Variants in HEATR6 observed in about 807,000 individuals in gnomAD.
The protein encoded by HEATR6 is HEAT repeat-containing protein 6.
HEATR6 carries 106 observed loss-of-function variants against 132.8 expected under a neutral mutation model. The ratio of observed to expected loss-of-function variants is 0.80; its 90% CI spans 0.68 to 0.94. The LOEUF (loss-of-function observed/expected upper bound fraction) is 0.94, where lower values mean the gene tolerates loss of function less well. Among genes scored for constraint, HEATR6 ranks in the 40% least tolerant of loss-of-function variants. The pLI is 0.00. For missense variants in HEATR6, 1,339 were observed against 1,425.1 expected (o/e 0.94, Z 0.97); for synonymous variants, 529 against 537.8 (o/e 0.98, Z 0.23).
rs181493868 is a variant in HEATR6 at position 60,051,509 on chromosome 17, G to A, written c.2290-532C>T. On this transcript the variant is annotated intron_variant, in intron 14 of 19. Coordinates refer to ENST00000184956, the MANE Select transcript of HEATR6 (RefSeq NM_022070.5). ...TTTTCAACTACTTTGCAGAGTCTGT[G>A]TGATAATAAAATGTAATATTCTGTG... is the stretch of plus-strand genomic sequence containing the variant. Among the ~76,000 whole-genome samples, 485 of 152,318 alleles carry A rather than the reference G, an allele frequency of 3.2e-3. 2 individuals are homozygous for A. The highest frequency in any genetic ancestry group is 5.4e-3 in the Admixed American group (82 of 15,306).
rs1479605531 is a variant in HEATR6, at chr17:60,042,246, T to G, written c.*1317A>C. ...GGCCCTGCTTGCTGGGAGTTAACTCTGGTTATTGGATTGTGGGGAGGTGTG... is the reference window on the plus strand; with the variant it reads ...GGCCCTGCTTGCTGGGAGTTAACTCGGGTTATTGGATTGTGGGGAGGTGTG... On this transcript the variant is annotated 3_prime_UTR_variant, in exon 20 of 20. Transcript: ENST00000184956. 1.3e-5 allele frequency among the ~76,000 whole-genome samples: 2 copies of G among 152,206 alleles called. No homozygotes were observed. Among genetic ancestry groups the G allele is most frequent in the African/African-American group, 4.8e-5 (2 of 41,448 alleles).
intron 9 of HEATR6, chr17:60,063,887 A>C (rs1289019927): frequency 6.6e-6 from 1 of 152,222 alleles, no homozygotes; most frequent in Non-Finnish European, 1.5e-5. Flanking sequence ...ACCTGAGATG[A>C]CCACTTGGCC....
At chr17:60,046,297 G>A in intron 18 of HEATR6, 68 bp from the exon 19 acceptor site, 1 of 1,333,272 alleles carries the variant, frequency 7.5e-7, no homozygotes, top group South Asian at 1.4e-5. Flanking sequence ...TCTAATTTCA[G>A]CTTTAAAAAA....
At chr17:60,054,430 C>T (rs1330930621) in intron 14 of HEATR6, among the ~76,000 whole-genome samples, 3 of 152,224 alleles carry the variant, frequency 2.0e-5, no homozygotes, top group African/African-American at 7.2e-5. Flanking sequence ...CACACGGTCT[C>T]CACTGAGCAC....
At chr17:60,066,432 T>C in intron 8 of HEATR6, 46 bp from the exon 9 acceptor site, 2 of 1,403,410 alleles carry the variant, frequency 1.4e-6, no homozygotes, top group Non-Finnish European at 1.9e-6. Context: ...AAAAATCATT[T>C]TTTTAAAAAA....
intron 19 of HEATR6, among the ~76,000 whole-genome samples, chr17:60,045,265 C>T (rs539510439): frequency 2.8e-4 from 42 of 152,318 alleles, no homozygotes; most frequent in Admixed American, 1.6e-3. Context: ...TCTGCCTGGA[C>T]GCTCTGGGCA....
At chr17:60,058,368 A>G (rs1906821374) in intron 11 of HEATR6, among the ~76,000 whole-genome samples, 1 of 152,210 alleles carries the variant, frequency 6.6e-6, no homozygotes, top group South Asian at 2.1e-4. Flanking sequence ...TGAACATTTT[A>G]ATGAAAAAAA....
rs139763129 is a variant in HEATR6, at chr17:60,044,044, G to C, written c.3065C>G (p.Ala1022Gly). The C allele has an allele frequency of 6.2e-7, 1 of 1,614,086 alleles. No homozygotes were observed. Among genetic ancestry groups the C allele is most frequent in the Non-Finnish European group, 8.5e-7 (1 of 1,180,048 alleles). Residue 1022 changes from alanine (A) to glycine (G), a missense_variant, in exon 20 of 20, where the codon GCT (alanine) becomes GGT (glycine). Transcript: ENST00000184956. ...TCTCTTCCCCGGGACGGAAAGGGCAGCTGCAGATCTGATGCGCACTTTGAA... is the reference window on the plus strand; with the variant it reads ...TCTCTTCCCCGGGACGGAAAGGGCACCTGCAGATCTGATGCGCACTTTGAA... ...KNFKVRIRSA[A>G]ALSVPGKREQ...
chr17:60,060,751 C>T lies in HEATR6; in HGVS notation c.1417-655G>A, dbSNP rs533025194. Among the ~76,000 whole-genome samples the T allele has an allele frequency of 1.8e-4, 28 of 152,272 alleles. 1 individual carries two copies. Among genetic ancestry groups the T allele is most frequent in the African/African-American group, 6.5e-4 (27 of 41,548 alleles). ...GGAACTTTGTGTACATACTGCTTGG[C>T]AGACATCATTAGTGATCCAACTTTC... On this transcript the variant is annotated intron_variant, in intron 9 of 19. Coordinates refer to ENST00000184956, the MANE Select transcript of HEATR6 (RefSeq NM_022070.5).
At chr17:60,061,969 C>A (rs141402109) in intron 9 of HEATR6, among the ~76,000 whole-genome samples, 1 of 152,174 alleles carries the variant, frequency 6.6e-6, no homozygotes, top group African/African-American at 2.4e-5. Flanking sequence ...AATTTTAGCA[C>A]AATTTTGGCA....
chr17:60,054,200 C>G (rs1417001468), intron 14 of HEATR6, among the ~76,000 whole-genome samples: 1 of 152,250 alleles, frequency 6.6e-6, no homozygotes, highest in African/African-American at 2.4e-5. Flanking sequence ...CGGTTTTCTG[C>G]TTAGTGGGTA....
intron 14 of HEATR6, 26 bp downstream of exon 14, chr17:60,055,483 TAAAAGA>T (rs1407189158): frequency 2.7e-6 from 4 of 1,474,604 alleles, no homozygotes; most frequent in Non-Finnish European, 3.7e-6. Context: ...GAAGCATTAA[TAAAAGA>T]AAACTATGAA....
At chr17:60,072,505 C>T (rs2083274465) in intron 4 of HEATR6, among the ~76,000 whole-genome samples, 176 bp from the exon 5 acceptor site, 1 of 152,152 alleles carries the variant, frequency 6.6e-6, no homozygotes, top group Admixed American at 6.5e-5. Context: ...GGGACAGGCA[C>T]AGGGCTAGAA....
intron 14 of HEATR6, among the ~76,000 whole-genome samples, chr17:60,051,977 G>T (rs73994278): frequency 0.027 from 4,081 of 152,302 alleles, 188 homozygotes; most frequent in African/African-American, 0.093. Context: ...TAGGATTGTT[G>T]TGGAAATGAC....
chr17:60,054,408 T>C (rs1222484263), intron 14 of HEATR6, among the ~76,000 whole-genome samples: 2 of 151,926 alleles, frequency 1.3e-5, no homozygotes, highest in South Asian at 4.2e-4. Context: ...AGATGTGAGG[T>C]TGGAGCCCCT....
At chr17:60,074,806 C>T (rs1402015226) in intron 2 of HEATR6, among the ~76,000 whole-genome samples, 1 of 152,138 alleles carries the variant, frequency 6.6e-6, no homozygotes, top group Non-Finnish European at 1.5e-5. Context: ...TGGGTAGAGG[C>T]CAAGGATGCT....
chr17:60,052,779 T>C (rs1906624582), intron 14 of HEATR6, among the ~76,000 whole-genome samples: 1 of 152,172 alleles, frequency 6.6e-6, no homozygotes, highest in Non-Finnish European at 1.5e-5. Flanking sequence ...TCTTTGGAAC[T>C]GGCACAGTGT....
Position 60,043,321 on chromosome 17 carries a change from C to G in HEATR6, c.*242G>C. On this transcript the variant is annotated 3_prime_UTR_variant, in exon 20 of 20. Transcript: ENST00000184956. ...CCCGTCTGCTTGGCCTGTATTACAA[C>G]CTGACTCCTCGGCTCCTGGATGCAC... The G allele has an allele frequency of 2.0e-6, 1 of 489,200 alleles. No individual in the cohort carries two copies. Among genetic ancestry groups the G allele is most frequent in the Non-Finnish European group, 3.6e-6 (1 of 275,442 alleles). 30.3% of individuals were successfully genotyped at this position (489,200 alleles called of 1,614,324 possible). A position where few individuals can be genotyped will look rare whatever the true frequency, so the allele number is the denominator to read the frequency against.
chr17:60,073,134 C>T lies in HEATR6; in HGVS notation c.584+30G>A, dbSNP rs747022782. On this transcript the variant is annotated intron_variant, in intron 4 of 19. Transcript: ENST00000184956. Reference sequence around the variant, plus strand: ...GCCCAATAGAGGCACTATCTTATTACCATTGAGAAACTTGACTGGAGCCAC... The same window carrying T: ...GCCCAATAGAGGCACTATCTTATTATCATTGAGAAACTTGACTGGAGCCAC... The T allele has an allele frequency of 1.8e-5, 23 of 1,306,352 alleles. No homozygotes were observed. In the East Asian group the frequency reaches 5.3e-4, roughly 30 times the overall value. 80.9% of individuals were successfully genotyped at this position (1,306,352 alleles called of 1,614,324 possible).
Sources: allele counts gnomAD v4.1 joint callset (sites outside exome capture counted in the v4.1 genomes callset), GRCh38; gene constraint gnomAD v4.1.1; transcripts MANE v1.5; gene names NCBI Gene and HGNC (gene_info 2026-07-23, HGNC 2026-07-21).